LPAR1: variants seen among roughly 807,000 people sequenced by gnomAD.
The protein encoded by LPAR1 is lysophosphatidic acid receptor 1, also known as LPA receptor 1.
LPAR1 carries 5 observed loss-of-function variants against 23.8 expected under a neutral mutation model. The ratio of observed to expected loss-of-function variants is 0.21; its 90% CI spans 0.11 to 0.44. The LOEUF is 0.44. Ranked by LOEUF, LPAR1 falls within the 20% of genes least tolerant of loss-of-function variation. LPAR1 has a pLI of 0.99. For synonymous variants in LPAR1, 160 were observed against 164.7 expected (o/e 0.97, Z 0.22); for missense variants, 311 against 482.8 (o/e 0.64, Z 3.33).
chr9:110,935,637 GAACA>G (rs958546040), intron 5 of LPAR1, among the ~76,000 whole-genome samples: 9 of 152,074 alleles, frequency 5.9e-5, no homozygotes, highest in Non-Finnish European at 7.4e-5. Flanking sequence ...ACAAAAAAAA[GAACA>G]AACAGAGAGC....
At chr9:110,967,331 T>G (rs1321099185) in intron 4 of LPAR1, among the ~76,000 whole-genome samples, 1 of 152,156 alleles carries the variant, frequency 6.6e-6, no homozygotes, top group East Asian at 1.9e-4. Context: ...ATCTTTCAAC[T>G]AACTAAACAG....
intron 2 of LPAR1, among the ~76,000 whole-genome samples, chr9:110,989,044 T>C (rs12551377): frequency 0.24 from 37,086 of 152,126 alleles, 4,549 homozygotes; most frequent in South Asian, 0.3. Flanking sequence ...GCCACAAATC[T>C]ATAAGCCTGT....
intron 4 of LPAR1, among the ~76,000 whole-genome samples, chr9:110,947,470 T>C (rs960608410): frequency 6.6e-6 from 1 of 152,236 alleles, no homozygotes; most frequent in Non-Finnish European, 1.5e-5. Context: ...GGCTGCTCTA[T>C]AGAGTAGATG....
chr9:110,971,998 C>T (rs937126134), intron 4 of LPAR1, 75 bp downstream of exon 4: 24 of 1,253,596 alleles, frequency 1.9e-5, no homozygotes, highest in Non-Finnish European at 2.6e-5. Context: ...GAGTCAAATA[C>T]ACTTCCTGAA....
upstream of LPAR1, chr9:111,038,590 C>T (rs913765784): frequency 4.4e-6 from 2 of 454,856 alleles, no homozygotes; most frequent in Non-Finnish European, 8.8e-6. This position sits in a 1 kb window ranked among gnomAD's most constrained non-coding sequence, Gnocchi z 4.4. Context: ...CCACGTAGCA[C>T]AAGTCAGCAA....
At position 110,875,362 on chromosome 9, in the gene LPAR1, AG is replaced by A. The variant is rs1477954551; in HGVS notation, c.*58del. 15 of 1,443,846 alleles carry A rather than the reference AG, an allele frequency of 1.0e-5. No individual in the cohort carries two copies. The African/African-American group carries it at 1.8e-4, about 18-fold the overall frequency. 89.4% of individuals were successfully genotyped at this position (1,443,846 alleles called of 1,614,324 possible). On this transcript the variant is annotated 3_prime_UTR_variant, in exon 6 of 6. Transcript: ENST00000683809. ...CCCCACCTTGCCCTGGCAATTGGGT[AG>A]GGGGAGGCTGTTTATCCTCCAAGAG... is the stretch of plus-strand genomic sequence containing the variant.
At chr9:111,036,641 T>C (rs868472820) in intron 1 of LPAR1, among the ~76,000 whole-genome samples, 11 of 152,190 alleles carry the variant, frequency 7.2e-5, no homozygotes, top group African/African-American at 2.7e-4. Context: ...CTGACCCGAC[T>C]GGCTGAGGTC....
chr9:111,017,130 T>C (rs2099540648), intron 2 of LPAR1, among the ~76,000 whole-genome samples: 1 of 152,156 alleles, frequency 6.6e-6, no homozygotes, highest in South Asian at 2.1e-4. Flanking sequence ...TCATGTCAAC[T>C]ATGAGGAAGA....
At chr9:110,926,902 C>T (rs2094081468) in intron 5 of LPAR1, among the ~76,000 whole-genome samples, 1 of 152,206 alleles carries the variant, frequency 6.6e-6, no homozygotes, top group Non-Finnish European at 1.5e-5. Context: ...AAGCCGGCAA[C>T]TCCTCACACG....
intron 2 of LPAR1, among the ~76,000 whole-genome samples, chr9:111,000,792 A>G (rs536355173): frequency 5.9e-5 from 9 of 152,354 alleles, no homozygotes; most frequent in African/African-American, 1.9e-4. Context: ...ACTGTCCACA[A>G]AAATTACGAA....
intron 4 of LPAR1, among the ~76,000 whole-genome samples, chr9:110,949,827 T>C (rs2095513004): frequency 6.6e-6 from 1 of 152,174 alleles, no homozygotes. Flanking sequence ...ATGGGTTGTA[T>C]GTATATCAAT....
chr9:110,892,491 C>A (rs1052142364), intron 5 of LPAR1, among the ~76,000 whole-genome samples: 1 of 152,024 alleles, frequency 6.6e-6, no homozygotes, highest in Non-Finnish European at 1.5e-5. Flanking sequence ...TGGTGAAACC[C>A]CATCTCTACT....
Position 110,874,113 on chromosome 9 carries a change from T to C in LPAR1, c.*1308A>G, listed in dbSNP as rs2078628055. The stretch of plus-strand genomic sequence containing the variant: ...GTACAAGATGACATTTCACATTTTT[T>C]TAAAAAAAGAATCCTTCATGGGAAT... On this transcript the variant is annotated 3_prime_UTR_variant, in exon 6 of 6. Coordinates refer to ENST00000683809, the MANE Select transcript of LPAR1 (RefSeq NM_001351411.2). The C allele has an allele frequency of 6.6e-6, 1 of 152,568 alleles. No homozygotes were observed. Among genetic ancestry groups the C allele is most frequent in the South Asian group, 2.1e-4 (1 of 4,828 alleles). 9.5% of individuals were successfully genotyped at this position (152,568 alleles called of 1,614,324 possible).
chr9:110,923,265 C>G (rs1029359019), intron 5 of LPAR1, among the ~76,000 whole-genome samples: 4 of 152,176 alleles, frequency 2.6e-5, no homozygotes, highest in Non-Finnish European at 5.9e-5. Context: ...CTACCAAGTA[C>G]TTATAAACTT....
intron 3 of LPAR1, among the ~76,000 whole-genome samples, chr9:110,972,934 G>C (rs776850397): frequency 6.6e-6 from 1 of 151,858 alleles, no homozygotes; most frequent in Admixed American, 6.6e-5. Context: ...GCGACACAGA[G>C]AGACTCCTTC....
chr9:110,971,741 C>T (rs371491168), intron 4 of LPAR1, among the ~76,000 whole-genome samples: 9 of 129,634 alleles, frequency 6.9e-5, no homozygotes, highest in African/African-American at 1.9e-4. Context: ...CCCCGGCCCA[C>T]AAAAAAGCCA....
At chr9:110,951,114 T>C (rs1432605456) in intron 4 of LPAR1, among the ~76,000 whole-genome samples, 2 of 152,198 alleles carry the variant, frequency 1.3e-5, no homozygotes, top group Non-Finnish European at 2.9e-5. Flanking sequence ...GAAAATGACG[T>C]ATCTGTTCAT....
intron 5 of LPAR1, among the ~76,000 whole-genome samples, chr9:110,928,171 T>C (rs2094169433): frequency 6.6e-6 from 1 of 152,146 alleles, no homozygotes; most frequent in South Asian, 2.1e-4. Flanking sequence ...AATTTAATGG[T>C]AGTAAATCAG....
At chr9:110,885,477 A>C (rs922818059) in intron 5 of LPAR1, among the ~76,000 whole-genome samples, 6 of 152,220 alleles carry the variant, frequency 3.9e-5, no homozygotes, top group Non-Finnish European at 7.3e-5. Context: ...ATCTACAAAT[A>C]GAACAAATAA....
Sources: allele counts gnomAD v4.1 joint callset (sites outside exome capture counted in the v4.1 genomes callset), GRCh38; gene constraint gnomAD v4.1.1; non-coding constraint Gnocchi (gnomAD v3.1); transcripts MANE v1.5; gene names NCBI Gene and HGNC (gene_info 2026-07-23, HGNC 2026-07-21).